DET1: variants seen among roughly 807,000 people sequenced by gnomAD.
The protein encoded by DET1 is DET1 homolog.
DET1 carries 22 observed loss-of-function variants against 43.7 expected under a neutral mutation model. That is an observed-to-expected ratio of 0.50 (90% CI 0.36 to 0.72). DET1 has a LOEUF of 0.72. Among genes scored for constraint, DET1 ranks in the 30% least tolerant of loss-of-function variants. The pLI is 0.00. For missense variants in DET1, 713 were observed against 713.3 expected (o/e 1.00, Z 0.00); for synonymous variants, 315 against 266.2 (o/e 1.18, Z -1.79).
chr15:88,512,899 A>G lies in DET1; in HGVS notation c.*52T>C. On this transcript the variant is annotated 3_prime_UTR_variant, in exon 5 of 5. Coordinates refer to ENST00000268148, the MANE Select transcript of DET1 (RefSeq NM_001144074.3). ...CTTTTGCTTTGGAGTCCACTGAGAT[A>G]AGTGAGTGGCAAAGTCTTGGAAGAC... 6.3e-7 allele frequency: 1 copy of G among 1,596,076 alleles called. No homozygotes were observed. The highest frequency in any genetic ancestry group is 2.2e-5 in the East Asian group (1 of 44,646).
At chr15:88,510,864 C>T (rs940183515), downstream of DET1, among the ~76,000 whole-genome samples, 1 of 151,278 alleles carries the variant, frequency 6.6e-6, no homozygotes, top group Admixed American at 6.6e-5. Flanking sequence ...AGCCCCACCT[C>T]CCGGGTTCAC....
intron 1 of DET1, among the ~76,000 whole-genome samples, chr15:88,543,253 T>C (rs1259233681): frequency 1.3e-5 from 2 of 152,180 alleles, no homozygotes; most frequent in African/African-American, 4.8e-5. Flanking sequence ...TCCTGTGGCC[T>C]CTGGATGGCC....
At chr15:88,509,923 T>C (rs1455246692), downstream of DET1, among the ~76,000 whole-genome samples, 3 of 152,344 alleles carry the variant, frequency 2.0e-5, no homozygotes, top group South Asian at 2.1e-4. Flanking sequence ...AGAAACAAGA[T>C]GGAAGACACT....
chr15:88,517,444 T>G (rs1028690205), intron 3 of DET1, among the ~76,000 whole-genome samples: 1 of 152,082 alleles, frequency 6.6e-6, no homozygotes, highest in Non-Finnish European at 1.5e-5. Context: ...CAGGCTGGTC[T>G]TGAACTCCTG....
At chr15:88,505,276 G>A (rs1285721413) in intron 7 of DET1, 3 of 152,004 alleles carry the variant, frequency 2.0e-5, no homozygotes, top group Admixed American at 6.6e-5. Context: ...CTTTAGTTGC[G>A]CCTTGTTTGC....
intron 1 of DET1, among the ~76,000 whole-genome samples, chr15:88,532,865 A>G (rs1398558001): frequency 1.3e-5 from 2 of 152,254 alleles, no homozygotes; most frequent in African/African-American, 4.8e-5. Flanking sequence ...GGAAAGCTTC[A>G]TGACATCAGA....
chr15:88,527,994 G>A (rs1466981153), intron 2 of DET1, among the ~76,000 whole-genome samples: 1 of 152,220 alleles, frequency 6.6e-6, no homozygotes, highest in Non-Finnish European at 1.5e-5. Context: ...GGAAGCAACA[G>A]TGGGATTTAT....
Position 88,531,879 on chromosome 15 carries a change from T to A in DET1, c.-10-164A>T. On this transcript the variant is annotated intron_variant, in intron 1 of 4. Coordinates refer to ENST00000268148, the MANE Select transcript of DET1 (RefSeq NM_001144074.3). The surrounding 1 kb of genome is among the most constrained non-coding windows in gnomAD (Gnocchi z 6.2). The stretch of plus-strand genomic sequence containing the variant: ...TTCCCAGATTATACTGAGTAAGTGG[T>A]CCTAACATTTCTAAGTCTAGAAACA... 1 of 664,120 alleles carries A rather than the reference T, an allele frequency of 1.5e-6. No homozygotes were observed. Among genetic ancestry groups the A allele is most frequent in the Non-Finnish European group, 2.5e-6 (1 of 402,532 alleles). 41.1% of individuals were successfully genotyped at this position (664,120 alleles called of 1,614,324 possible). A position where few individuals can be genotyped will look rare whatever the true frequency, so the allele number is the denominator to read the frequency against.
At chr15:88,510,918 C>T (rs1460492062), downstream of DET1, among the ~76,000 whole-genome samples, 1 of 151,842 alleles carries the variant, frequency 6.6e-6, no homozygotes, top group Non-Finnish European at 1.5e-5. Flanking sequence ...GGACTACTGG[C>T]GCCCGCCACC....
chr15:88,522,158 A>C (rs1020856578), intron 3 of DET1, among the ~76,000 whole-genome samples: 5 of 152,216 alleles, frequency 3.3e-5, no homozygotes, highest in Admixed American at 3.3e-4. Flanking sequence ...AATAAGTTTT[A>C]ATAACGACTT....
intron 3 of DET1, among the ~76,000 whole-genome samples, chr15:88,520,142 G>T (rs1173213036): frequency 6.6e-6 from 1 of 152,072 alleles, no homozygotes; most frequent in Non-Finnish European, 1.5e-5. Context: ...TTCCTAAACT[G>T]TTTCCCCTTC....
chr15:88,538,196 A>G (rs2057001278), intron 1 of DET1, among the ~76,000 whole-genome samples: 1 of 151,970 alleles, frequency 6.6e-6, no homozygotes. Flanking sequence ...TAAGAGAGCC[A>G]GACAGACTCC....
chr15:88,514,917 G>C (rs1053018221), intron 4 of DET1, among the ~76,000 whole-genome samples: 11 of 152,078 alleles, frequency 7.2e-5, no homozygotes, highest in African/African-American at 2.4e-4. Context: ...AATTAGAAAG[G>C]TAGGAAAGTC....
rs141866692 is a variant in DET1, at chr15:88,512,750, A to C, written c.*201T>G. ...GGAAAACGCAAGAGGATATTATAACAATCAGTAGCAGTATTGTATACAATT... is the reference window on the plus strand; with the variant it reads ...GGAAAACGCAAGAGGATATTATAACCATCAGTAGCAGTATTGTATACAATT... On this transcript the variant is annotated 3_prime_UTR_variant, in exon 5 of 5. Coordinates refer to ENST00000268148, the MANE Select transcript of DET1 (RefSeq NM_001144074.3). 7.4e-4 allele frequency: 967 copies of C among 1,303,332 alleles called. 15 individuals are homozygous for C. In the East Asian group the frequency reaches 9.2e-3, roughly 12 times the overall value. The allele number at this position is 1,303,332 out of a possible 1,614,324, so 80.7% of individuals were successfully genotyped here.
At position 88,530,754 on chromosome 15, in the gene DET1, G is replaced by T; in HGVS notation, c.952C>A (p.Arg318Ser). ...EQDGSAMAKRRFFQYFDQLRQ... is the reference protein window; with the variant it reads ...EQDGSAMAKRSFFQYFDQLRQ... ...AGTTGGTCAAAATACTGGAAGAAGC[G>T]CCTCTTGGCCATTGCACTACCATCC... Residue 318 changes from arginine to serine, a missense_variant, in exon 2 of 5, where the codon CGC becomes AGC. By Grantham distance (110) the Arg-to-Ser change is moderately radical (BLOSUM62 -1). Coordinates refer to ENST00000268148, the MANE Select transcript of DET1 (RefSeq NM_001144074.3). 1 of 1,613,910 alleles carries T rather than the reference G, an allele frequency of 6.2e-7. No homozygotes were observed. The highest frequency in any genetic ancestry group is 1.1e-5 in the South Asian group (1 of 91,068).
Position 88,526,913 on chromosome 15 carries a change from A to T in DET1, c.1271+686T>A, listed in dbSNP as rs72761967. Among the ~76,000 whole-genome samples the T allele has an allele frequency of 5.3e-5, 8 of 152,254 alleles. No individual in the cohort carries two copies. The South Asian group carries it at 6.2e-4, about 12-fold the overall frequency. ...CTCCTCATTTCAGCCTACCTCACAG[A>T]TACCTTCAGAAGTATTTTCAGAGGC... On this transcript the variant is annotated intron_variant, in intron 3 of 4. Coordinates refer to ENST00000268148, the MANE Select transcript of DET1 (RefSeq NM_001144074.3).
At chr15:88,509,393 G>T (rs549506105), downstream of DET1, among the ~76,000 whole-genome samples, 1 of 152,174 alleles carries the variant, frequency 6.6e-6, no homozygotes, top group African/African-American at 2.4e-5. Context: ...AAACAAATAA[G>T]GAAAGTCTTA....
rs55764530 is a variant in DET1 at position 88,522,512 on chromosome 15, G to GTTTT, written c.1271+5083_1271+5086dup. On this transcript the variant is annotated intron_variant, in intron 3 of 4. Transcript: ENST00000268148. ...TCTCATTGTTCTAGGAATGTTCCTG[G>GTTTT]TTTTTTTTTTTTTTTGAGTTGGAGT... Among the ~76,000 whole-genome samples, 181 of 80,296 alleles carry GTTTT rather than the reference G, an allele frequency of 2.3e-3. 20 individuals are homozygous for GTTTT. Among genetic ancestry groups the GTTTT allele is most frequent in the Admixed American group, 4.4e-3 (29 of 6,540 alleles). 52.7% of individuals were successfully genotyped at this position (80,296 alleles called of 152,430 possible). A position where few individuals can be genotyped will look rare whatever the true frequency, so the allele number is the denominator to read the frequency against.
chr15:88,533,068 T>A (rs2056857359), intron 1 of DET1, among the ~76,000 whole-genome samples: 1 of 152,118 alleles, frequency 6.6e-6, no homozygotes, highest in Non-Finnish European at 1.5e-5. Flanking sequence ...CTAGAACATA[T>A]AAAGAACTCC....
Sources: allele counts gnomAD v4.1 joint callset (sites outside exome capture counted in the v4.1 genomes callset), GRCh38; gene constraint gnomAD v4.1.1; non-coding constraint Gnocchi (gnomAD v3.1); transcripts MANE v1.5; gene names NCBI Gene and HGNC (gene_info 2026-07-23, HGNC 2026-07-21).